Variants in RNF130 observed in about 807,000 individuals in gnomAD.
The protein encoded by RNF130 is ring finger protein 130, also known as E3 ubiquitin-protein ligase RNF130.
In RNF130, 21 loss-of-function variants were observed where a neutral mutation model predicts 44.6. The ratio of observed to expected loss-of-function variants is 0.47; its 90% confidence interval spans 0.33 to 0.68. The LOEUF is 0.68. RNF130 is among the 30% of genes least tolerant of loss of function. The probability of loss-of-function intolerance (pLI) is 0.02; values close to 1 mark genes in which losing one functional copy is unlikely to be tolerated. For missense variants in RNF130, 479 were observed against 560.6 expected (o/e 0.85, Z 1.47); for synonymous variants, 214 against 210.4 (o/e 1.02, Z -0.15).
intron 7 of RNF130, chr5:179,934,183 T>C (rs975710345): frequency 4.0e-5 from 7 of 176,320 alleles, no homozygotes; most frequent in East Asian, 1.7e-4. Context: ...AGCCTCGACG[T>C]TGGCGCATAG....
Position 180,040,523 on chromosome 5 carries a change from G to T in RNF130, c.372C>A (p.Phe124Leu), listed in dbSNP as rs1236183681. Residue 124 changes from phenylalanine (F) to leucine (L), a missense_variant, in exon 2 of 9, where the codon TTC (phenylalanine) becomes TTA (leucine). By Grantham distance (22) the Phe-to-Leu change is conservative (BLOSUM62 0). Coordinates refer to ENST00000521389, the MANE Select transcript of RNF130 (RefSeq NM_018434.6). The part of the protein sequence containing the change: ...TFKEKISRAA[F>L]HNAVAVVIYN... ...AGATGACTACAGCAACTGCATTGTG[G>T]AAAGCGGCCCGTGATATTTTCTCTT... is the stretch of plus-strand genomic sequence containing the variant. 1 of 1,614,162 alleles carries T rather than the reference G, an allele frequency of 6.2e-7. No homozygotes were observed. The highest frequency in any genetic ancestry group is 1.7e-5 in the Admixed American group (1 of 60,026).
intron 7 of RNF130, among the ~76,000 whole-genome samples, chr5:179,943,491 CACTTATT>C (rs1487639551): frequency 1.3e-5 from 2 of 152,064 alleles, no homozygotes; most frequent in African/African-American, 4.8e-5. Flanking sequence ...TTGCCATGTG[CACTTATT>C]ACTTATTCAG....
At chr5:180,032,895 T>A (rs74642151) in intron 2 of RNF130, among the ~76,000 whole-genome samples, 1,842 of 152,294 alleles carry the variant, frequency 0.012, 35 homozygotes, top group African/African-American at 0.042. Context: ...AAGGAATTTA[T>A]ATATCCATTT....
chr5:179,947,311 G>A (rs866016998), intron 7 of RNF130, among the ~76,000 whole-genome samples: 7 of 152,226 alleles, frequency 4.6e-5, no homozygotes, highest in African/African-American at 1.7e-4. Context: ...AGTAAAGTCC[G>A]TGCCCTGTAA....
intron 1 of RNF130, among the ~76,000 whole-genome samples, chr5:180,041,573 T>G (rs1764418855): frequency 6.6e-6 from 1 of 152,156 alleles, no homozygotes; most frequent in African/African-American, 2.4e-5. Flanking sequence ...ACTTTCACAT[T>G]TATAACAGGT....
At chr5:180,042,339 T>C (rs888685751) in intron 1 of RNF130, among the ~76,000 whole-genome samples, 3 of 152,136 alleles carry the variant, frequency 2.0e-5, no homozygotes, top group Non-Finnish European at 2.9e-5. Context: ...AGATGAATGT[T>C]TTCACAATTT....
intron 3 of RNF130, among the ~76,000 whole-genome samples, chr5:179,998,981 CTTCT>C (rs1412659189): frequency 1.2e-4 from 18 of 148,556 alleles, no homozygotes; most frequent in Non-Finnish European, 2.2e-4. Flanking sequence ...ATATTATGAT[CTTCT>C]TTGTCTTTTA....
chr5:179,948,809 T>A (rs1248351644), intron 7 of RNF130, among the ~76,000 whole-genome samples: 1 of 152,198 alleles, frequency 6.6e-6, no homozygotes. Flanking sequence ...ACAACCTAGC[T>A]AGCCAATGAG....
rs1761942717 is a variant in RNF130, at chr5:179,939,453, CGT to C, written c.1151-19029_1151-19028del. On this transcript the variant is annotated intron_variant, in intron 7 of 7. Transcript: ENST00000522208. ...CTCAGATGGTGCTTCTGTAGCTGAA[CGT>C]TTTTGTTCGATGACTTTGCATGCAA... is the stretch of plus-strand genomic sequence containing the variant. 2.7e-5 allele frequency: 5 copies of C among 186,508 alleles called. No individual in the cohort carries two copies. The East Asian group carries it at 6.8e-4, about 25-fold the overall frequency. 11.6% of individuals were successfully genotyped at this position (186,508 alleles called of 1,614,324 possible).
At chr5:180,019,759 A>G (rs1763830350) in intron 2 of RNF130, among the ~76,000 whole-genome samples, 1 of 152,236 alleles carries the variant, frequency 6.6e-6, no homozygotes, top group South Asian at 2.1e-4. Context: ...TAGTTTTCCT[A>G]AAATATAGAC....
intron 2 of RNF130, among the ~76,000 whole-genome samples, chr5:180,034,731 C>T (rs1286800572): frequency 6.6e-6 from 1 of 152,192 alleles, no homozygotes; most frequent in Non-Finnish European, 1.5e-5. Context: ...GGATTCCCAC[C>T]ATTACCTAAT....
At chr5:180,024,629 T>G (rs999194051) in intron 2 of RNF130, among the ~76,000 whole-genome samples, 3 of 152,118 alleles carry the variant, frequency 2.0e-5, no homozygotes, top group African/African-American at 7.2e-5. Flanking sequence ...TAAATAAATG[T>G]TGAGAGAATT....
At chr5:179,982,988 G>A (rs1209742658) in intron 3 of RNF130, among the ~76,000 whole-genome samples, 1 of 152,164 alleles carries the variant, frequency 6.6e-6, no homozygotes, top group African/African-American at 2.4e-5. Context: ...GTCTGTTCAT[G>A]TGTTTTGCCT....
intron 5 of RNF130, among the ~76,000 whole-genome samples, chr5:179,971,629 A>G (rs1469480864): frequency 6.6e-6 from 1 of 152,216 alleles, no homozygotes; most frequent in Non-Finnish European, 1.5e-5. Flanking sequence ...TCGGCCTCCC[A>G]AAGTGCTGGG....
chr5:179,986,213 A>AT (rs1346185455), intron 3 of RNF130, among the ~76,000 whole-genome samples: 7 of 152,228 alleles, frequency 4.6e-5, no homozygotes, highest in Non-Finnish European at 7.3e-5. Context: ...TGGTGTAGCT[A>AT]TAGCAATGGC....
intron 2 of RNF130, chr5:180,015,466 AGGGAAAGGAGTAG>A (rs1763696043): frequency 1.2e-5 from 5 of 412,056 alleles, no homozygotes; most frequent in African/African-American, 4.1e-5. Flanking sequence ...GGAAAGGAGT[AGGGAAAGGAGTAG>A]GGAAAGGAGT....
rs554509776 is a variant in RNF130, at chr5:180,004,687, G to C, written c.693+8374C>G. On this transcript the variant is annotated intron_variant, in intron 3 of 8. Transcript: ENST00000521389. ...CAATTCTTACGGCTTAATCTAATAGGAATAGTTGGTTCAAAGCCAAATGGT... is the reference window on the plus strand; with the variant it reads ...CAATTCTTACGGCTTAATCTAATAGCAATAGTTGGTTCAAAGCCAAATGGT... 2.3e-4 allele frequency among the ~76,000 whole-genome samples: 35 copies of C among 152,336 alleles called. 1 individual carries two copies. The South Asian group carries it at 6.8e-3, about 30-fold the overall frequency.
chr5:179,920,605 T>C (rs1005012905), intron 7 of RNF130, among the ~76,000 whole-genome samples: 1 of 152,108 alleles, frequency 6.6e-6, no homozygotes, highest in Non-Finnish European at 1.5e-5. Flanking sequence ...ACGCAGGCTT[T>C]AAGCATCTAA....
chr5:180,070,901 C>T (rs1453928544), intron 1 of RNF130, among the ~76,000 whole-genome samples: 1 of 152,096 alleles, frequency 6.6e-6, no homozygotes, highest in Non-Finnish European at 1.5e-5. Context: ...GTGACATTTT[C>T]AGGCGTCAAA....
Sources: allele counts gnomAD v4.1 joint callset (sites outside exome capture counted in the v4.1 genomes callset), GRCh38; gene constraint gnomAD v4.1.1; transcripts MANE v1.5; gene names NCBI Gene and HGNC (gene_info 2026-07-23, HGNC 2026-07-21).